Variants in PGBD2 observed in about 807,000 individuals in gnomAD.
PGBD2 encodes the protein piggyBac transposable element-derived protein 2.
In PGBD2, 6 loss-of-function variants were observed where a neutral mutation model predicts 8.1. The observed-to-expected ratio is 0.74, with a 90% CI of 0.40 to 1.46. PGBD2 has a LOEUF of 1.46. Among genes scored for constraint, PGBD2 ranks in the 40% most tolerant of loss-of-function variants. PGBD2 has a pLI of 0.02. For missense variants in PGBD2, 802 were observed against 739.0 expected (o/e 1.09, Z -0.99); for synonymous variants, 318 against 272.2 (o/e 1.17, Z -1.66).
the PGBD2 span, among the ~76,000 whole-genome samples, chr1:248,890,941 G>A: frequency 2.1e-5 from 3 of 145,266 alleles, no homozygotes; most frequent in East Asian, 2.0e-4. Flanking sequence ...CCCCACCCCC[G>A]ACACAGCCAC....
At chr1:248,905,308 TAAC>T (rs1456195857), upstream of PGBD2, among the ~76,000 whole-genome samples, 8 of 151,688 alleles carry the variant, frequency 5.3e-5, no homozygotes, top group Non-Finnish European at 1.2e-4. Context: ...TTTTGAATGT[TAAC>T]ACGGTTTGGT....
intron 2 of PGBD2, among the ~76,000 whole-genome samples, chr1:248,916,162 C>G (rs1181360245): frequency 2.0e-5 from 3 of 152,164 alleles, no homozygotes; most frequent in African/African-American, 7.2e-5. Flanking sequence ...GCCTGTAATC[C>G]CAGCACTTTG....
rs2103117859 is a variant in PGBD2 at position 248,917,872 on chromosome 1, C to T, written c.1288C>T (p.Pro430Ser). Residue 430 changes from proline (P) to serine (S), a missense_variant, in exon 3 of 3, where the codon CCA (proline) becomes TCA (serine). Transcript: ENST00000329291. ...NICSNAVGIE[P>S]VRLTSRHSGA... The stretch of plus-strand genomic sequence containing the variant: ...TTGCTCCAATGCTGTGGGCATAGAG[C>T]CAGTGAGGCTGACCAGTCGTCACTC... 1 of 1,614,062 alleles carries T rather than the reference C, an allele frequency of 6.2e-7. No homozygotes were observed. The highest frequency in any genetic ancestry group is 2.2e-5 in the East Asian group (1 of 44,898).
chr1:248,873,776 G>A, the PGBD2 span, among the ~76,000 whole-genome samples: 2 of 152,310 alleles, frequency 1.3e-5, no homozygotes, highest in Middle Eastern at 3.4e-3. Flanking sequence ...TCCCACGGCC[G>A]CAACTCGGGT....
At chr1:248,910,876 T>C (rs907004126) in intron 1 of PGBD2, among the ~76,000 whole-genome samples, 1 of 152,168 alleles carries the variant, frequency 6.6e-6, no homozygotes, top group Non-Finnish European at 1.5e-5. Context: ...TGTGGTATAA[T>C]TGACATGCAA....
At chr1:248,876,704 G>A in the PGBD2 span, among the ~76,000 whole-genome samples, 19 of 152,236 alleles carry the variant, frequency 1.2e-4, no homozygotes, top group East Asian at 9.7e-4. Flanking sequence ...GACTTTATCC[G>A]TATTTATTTT....
the PGBD2 span, among the ~76,000 whole-genome samples, chr1:248,889,928 CTTTT>C: frequency 2.2e-5 from 3 of 135,998 alleles, no homozygotes; most frequent in Non-Finnish European, 3.2e-5. Context: ...TTTTTCTTTT[CTTTT>C]TTTTTTTTTT....
At chr1:248,881,876 G>A in the PGBD2 span, among the ~76,000 whole-genome samples, 1 of 152,284 alleles carries the variant, frequency 6.6e-6, no homozygotes, top group African/African-American at 2.4e-5. Context: ...AACTAGGTTA[G>A]AAAATTTTAG....
At chr1:248,899,475 A>T in the PGBD2 span, among the ~76,000 whole-genome samples, 2 of 152,180 alleles carry the variant, frequency 1.3e-5, no homozygotes, top group Non-Finnish European at 2.9e-5. Context: ...GTAGAAATTG[A>T]AAAACCTGAT....
At chr1:248,896,365 A>G in the PGBD2 span, among the ~76,000 whole-genome samples, 1 of 151,450 alleles carries the variant, frequency 6.6e-6, no homozygotes, top group African/African-American at 2.4e-5. Context: ...ATATATACAT[A>G]TATATATATA....
At chr1:248,927,351 A>G in the PGBD2 span, among the ~76,000 whole-genome samples, 1 of 152,200 alleles carries the variant, frequency 6.6e-6, no homozygotes, top group African/African-American at 2.4e-5. Flanking sequence ...AGCAGAAATA[A>G]TAGATGATGC....
chr1:248,914,672 T>G, intron 2 of PGBD2: 1 of 1,131,498 alleles, frequency 8.8e-7, no homozygotes, highest in Non-Finnish European at 1.2e-6. Context: ...CAGGGACCTC[T>G]GTGCCTACCC....
the PGBD2 span, among the ~76,000 whole-genome samples, chr1:248,926,707 G>T: frequency 6.6e-6 from 1 of 152,132 alleles, no homozygotes; most frequent in Non-Finnish European, 1.5e-5. Context: ...TCCCAGGGTC[G>T]CACAGCTACT....
rs368510467 is a variant in PGBD2, at chr1:248,917,705, T to C, written c.1121T>C (p.Val374Ala). The part of the protein sequence containing the change: ...RKKGVKATGT[V>A]REYRTERCPL... ...AAGGGGGTGAAAGCCACAGGAACTGTTCGTGAGTACAGGACTGAGCGATGT... is the reference window on the plus strand; with the variant it reads ...AAGGGGGTGAAAGCCACAGGAACTGCTCGTGAGTACAGGACTGAGCGATGT... The change falls in exon 3 of 3, where the codon GTT becomes GCT. Residue 374 changes from valine (V) to alanine (A), a missense_variant. Val to Ala is a moderately conservative substitution (Grantham distance 64). Coordinates refer to ENST00000329291, the MANE Select transcript of PGBD2 (RefSeq NM_170725.3). 7 of 1,614,052 alleles carry C rather than the reference T, an allele frequency of 4.3e-6. No homozygotes were observed. The African/African-American group carries it at 8.0e-5, about 18-fold the overall frequency.
At chr1:248,896,746 T>A in the PGBD2 span, among the ~76,000 whole-genome samples, 1 of 152,110 alleles carries the variant, frequency 6.6e-6, no homozygotes, top group African/African-American at 2.4e-5. Flanking sequence ...AACTGAGATA[T>A]CCAGTTGATA....
At position 248,917,529 on chromosome 1, in the gene PGBD2, A is replaced by C. The variant is rs772586174; in HGVS notation, c.945A>C (p.Thr315=). The C allele has an allele frequency of 8.7e-6, 14 of 1,614,040 alleles. No homozygotes were observed. The highest frequency in any genetic ancestry group is 1.3e-5 in the African/African-American group (1 of 74,916). The change falls in exon 3 of 3, where the codon ACA becomes ACC. Residue 315 remains threonine (T), a synonymous_variant. Transcript: ENST00000329291. ...TGTGGTTTGAGCCCTCACAGGGCACACTGTTTACCAAGCCAGACAGGAGCT... is the reference window on the plus strand; with the variant it reads ...TGTGGTTTGAGCCCTCACAGGGCACCCTGTTTACCAAGCCAGACAGGAGCT... The part of the protein sequence containing the change: ...YLVWFEPSQG[T]LFTKPDRSLD...
At chr1:248,927,854 G>A in the PGBD2 span, among the ~76,000 whole-genome samples, 5 of 152,160 alleles carry the variant, frequency 3.3e-5, no homozygotes, top group African/African-American at 7.2e-5. Context: ...ATAGATAGAT[G>A]ATAGATAAAG....
the PGBD2 span, among the ~76,000 whole-genome samples, chr1:248,929,432 G>A: frequency 6.6e-6 from 1 of 152,144 alleles, no homozygotes; most frequent in Non-Finnish European, 1.5e-5. Flanking sequence ...AATCTATTTT[G>A]CTGTGATGAG....
At chr1:248,904,074 G>GTTT (rs11389084), upstream of PGBD2, among the ~76,000 whole-genome samples, 5 of 148,542 alleles carry the variant, frequency 3.4e-5, no homozygotes, top group East Asian at 2.0e-4. Context: ...TTCTTTTTAT[G>GTTT]TTTTTTTTTT....
Sources: allele counts gnomAD v4.1 joint callset (sites outside exome capture counted in the v4.1 genomes callset), GRCh38; gene constraint gnomAD v4.1.1; transcripts MANE v1.5; gene names NCBI Gene and HGNC (gene_info 2026-07-23, HGNC 2026-07-21).